Variants in SLC25A35 observed in about 807,000 individuals in gnomAD.
SLC25A35 encodes the protein solute carrier family 25 member 35.
A neutral mutation model predicts 30.5 loss-of-function variants in SLC25A35; 32 were observed. The ratio of observed to expected loss-of-function variants is 1.05; its 90% confidence interval spans 0.79 to 1.41. The LOEUF is 1.41. Among genes scored for constraint, SLC25A35 ranks in the 40% most tolerant of loss-of-function variants. SLC25A35 has a pLI of 0.00. For missense variants in SLC25A35, 369 were observed against 388.0 expected, an observed-to-expected ratio of 0.95 and a Z score of 0.41; for synonymous variants, 142 against 158.1, an observed-to-expected ratio of 0.90 and a Z score of 0.77.
At chr17:8,293,803 G>A (rs1226158665) in intron 1 of SLC25A35, among the ~76,000 whole-genome samples, 2 of 150,226 alleles carry the variant, frequency 1.3e-5, no homozygotes, top group East Asian at 2.0e-4. Flanking sequence ...CGCCCGCCTC[G>A]GCCTCCCAAA....
intron 2 of SLC25A35, 107 bp downstream of exon 2, chr17:8,292,416 G>T: frequency 9.1e-7 from 1 of 1,098,976 alleles, no homozygotes; most frequent in Non-Finnish European, 1.4e-6. Context: ...CAGAACCGAT[G>T]GGTTGAGCAG....
Position 8,290,082 on chromosome 17 carries a change from A to G in SLC25A35, c.*423T>C. On this transcript the variant is annotated 3_prime_UTR_variant, in exon 5 of 5. Coordinates refer to ENST00000577745, the MANE Select transcript of SLC25A35 (RefSeq NM_001320870.2). ...CCTCTTCAGAATAAACTTGCTTTAT[A>G]ATCAATATAATCTCTGTGCCTTTGA... 4 of 1,532,316 alleles carry G rather than the reference A, an allele frequency of 2.6e-6. No individual in the cohort carries two copies. Among genetic ancestry groups the G allele is most frequent in the Non-Finnish European group, 3.5e-6 (4 of 1,139,958 alleles). The allele number at this position is 1,532,316 out of a possible 1,614,324, so 94.9% of individuals were successfully genotyped here.
chr17:8,292,724 A>G, intron 1 of SLC25A35, 136 bp from the exon 2 acceptor site: 1 of 753,272 alleles, frequency 1.3e-6, no homozygotes, highest in Non-Finnish European at 2.3e-6. Flanking sequence ...TGTTCTTCCT[A>G]CTTAACAAAC....
At chr17:8,289,166 A>C (rs1047887709), downstream of SLC25A35, 1 of 1,600,172 alleles carries the variant, frequency 6.2e-7, no homozygotes, top group African/African-American at 1.3e-5. Flanking sequence ...CGGTGAGACC[A>C]CGCACGGGCC....
At chr17:8,288,877 G>A, downstream of SLC25A35, 18 of 1,614,158 alleles carry the variant, frequency 1.1e-5, no homozygotes, top group Non-Finnish European at 1.4e-5. Flanking sequence ...TGAGAAGGCC[G>A]GGGCGCCCAG....
At chr17:8,288,686 C>A (rs1990229884), downstream of SLC25A35, 3 of 1,322,474 alleles carry the variant, frequency 2.3e-6, no homozygotes, top group South Asian at 3.5e-5. Context: ...TAAGCCAGAC[C>A]CGGGTGGCGG....
downstream of SLC25A35, chr17:8,288,916 G>C: frequency 1.2e-6 from 2 of 1,613,926 alleles, no homozygotes; most frequent in East Asian, 4.5e-5. Context: ...GTTGTGGGAA[G>C]AGACCGGGGT....
rs945836153 is a variant in SLC25A35 at position 8,290,373 on chromosome 17, C to G, written c.*132G>C. 1 of 1,453,950 alleles carries G rather than the reference C, an allele frequency of 6.9e-7. No homozygotes were observed. The highest frequency in any genetic ancestry group is 1.4e-5 in the South Asian group (1 of 70,278). The allele number at this position is 1,453,950 out of a possible 1,614,324, so 90.1% of individuals were successfully genotyped here. ...TCTTGTAGTGATTCAACCCTGAGAA[C>G]AGATGGGGAGTGGGGTTGGCTGTCC... On this transcript the variant is annotated 3_prime_UTR_variant, in exon 5 of 5. Transcript: ENST00000577745.
chr17:8,290,789 A>G (rs1269663674), intron 4 of SLC25A35, 53 bp downstream of exon 4: 4 of 1,605,830 alleles, frequency 2.5e-6, no homozygotes, highest in East Asian at 2.2e-5. Context: ...TGCACCCGCA[A>G]TCTGCCTTCC....
downstream of SLC25A35, chr17:8,287,819 G>A (rs1271368360): frequency 6.6e-6 from 1 of 152,208 alleles, no homozygotes; most frequent in Non-Finnish European, 1.5e-5. Context: ...TGTGGAGCTG[G>A]GGGTGGGGTT....
At chr17:8,293,931 T>TTTTTTTTTTTTTG (rs1491485762) in intron 1 of SLC25A35, among the ~76,000 whole-genome samples, 9 of 126,826 alleles carry the variant, frequency 7.1e-5, no homozygotes, top group African/African-American at 2.7e-4. Flanking sequence ...TTTTTTTTTT[T>TTTTTTTTTTTTTG]GTGAGACGTA....
chr17:8,289,873 T>A, downstream of SLC25A35: 1 of 1,614,130 alleles, frequency 6.2e-7, no homozygotes, highest in South Asian at 1.1e-5. Context: ...GGAGCCTGGG[T>A]GACTTTGAAC....
intron 1 of SLC25A35, 38 bp downstream of exon 1, chr17:8,294,395 T>C (rs1210617428): frequency 6.6e-7 from 1 of 1,519,402 alleles, no homozygotes; most frequent in South Asian, 1.3e-5. Flanking sequence ...ACAACGAGGA[T>C]CTGCCCTGAA....
chr17:8,294,159 C>T (rs1388236415), intron 1 of SLC25A35, among the ~76,000 whole-genome samples: 1 of 152,160 alleles, frequency 6.6e-6, no homozygotes, highest in African/African-American at 2.4e-5. Context: ...TCGTGATCCG[C>T]CCGCCTTGGC....
At chr17:8,294,235 C>T (rs1448767499) in intron 1 of SLC25A35, among the ~76,000 whole-genome samples, 198 bp downstream of exon 1, 3 of 152,178 alleles carry the variant, frequency 2.0e-5, no homozygotes, top group African/African-American at 4.8e-5. Flanking sequence ...TAATCTTAAT[C>T]AATACATTCA....
At position 8,290,182 on chromosome 17, in the gene SLC25A35, T is replaced by C; in HGVS notation, c.*323A>G. On this transcript the variant is annotated 3_prime_UTR_variant, in exon 5 of 5. Transcript: ENST00000577745. The stretch of plus-strand genomic sequence containing the variant: ...TTCCCTTTGGTTTTGGAGGGAGGAG[T>C]TTAAAACTGTGCATGGGAGCAGGAG... The C allele has an allele frequency of 7.0e-7, 1 of 1,431,034 alleles. No individual in the cohort carries two copies. Among genetic ancestry groups the C allele is most frequent in the Non-Finnish European group, 9.1e-7 (1 of 1,098,182 alleles). 88.6% of individuals were successfully genotyped at this position (1,431,034 alleles called of 1,614,324 possible). A position where few individuals can be genotyped will look rare whatever the true frequency, so the allele number is the denominator to read the frequency against.
chr17:8,289,750 T>A, downstream of SLC25A35: 1 of 1,613,730 alleles, frequency 6.2e-7, no homozygotes, highest in Non-Finnish European at 8.5e-7. Flanking sequence ...GGAACAGGAA[T>A]TGGCAATTTC....
chr17:8,292,627 C>T, intron 1 of SLC25A35, 39 bp from the exon 2 acceptor site: 1 of 1,595,988 alleles, frequency 6.3e-7, no homozygotes, highest in Non-Finnish European at 8.6e-7. Context: ...GCCCCAGTGG[C>T]CATCCTCCTA....
intron 4 of SLC25A35, 74 bp from the exon 5 acceptor site, chr17:8,290,752 A>C: frequency 6.2e-7 from 1 of 1,603,114 alleles, no homozygotes; most frequent in Non-Finnish European, 8.5e-7. Context: ...CAGCACCTCT[A>C]CAGGCTGCAT....
Sources: allele counts gnomAD v4.1 joint callset (sites outside exome capture counted in the v4.1 genomes callset), GRCh38; gene constraint gnomAD v4.1.1; transcripts MANE v1.5; gene names NCBI Gene and HGNC (gene_info 2026-07-23, HGNC 2026-07-21).